Variants in HK2 observed in about 807,000 individuals in gnomAD.
HK2 encodes the protein hexokinase 2, also known as hexokinase-2.
HK2 carries 42 observed loss-of-function variants against 92.9 expected under a neutral mutation model. The ratio of observed to expected loss-of-function variants is 0.45; its 90% confidence interval spans 0.35 to 0.58. The LOEUF (loss-of-function observed/expected upper bound fraction) is 0.58, where lower values mean the gene tolerates loss of function less well. Among genes scored for constraint, HK2 ranks in the 20% least tolerant of loss-of-function variants. The pLI, the probability that HK2 is intolerant of heterozygous loss-of-function variation, is 0.00. For synonymous variants in HK2, 422 were observed against 468.0 expected (o/e 0.90, Z 1.27); for missense variants, 978 against 1,245.1 (o/e 0.79, Z 3.23).
chr2:74,851,459 T>C (rs1182215735), intron 1 of HK2, among the ~76,000 whole-genome samples: 1 of 152,234 alleles, frequency 6.6e-6, no homozygotes, highest in African/African-American at 2.4e-5. Context: ...GGATGAGAAG[T>C]GTCTGACTGG....
At chr2:74,854,234 C>G in intron 1 of HK2, 59 bp from the exon 2 acceptor site, 1 of 1,522,378 alleles carries the variant, frequency 6.6e-7, no homozygotes, top group Non-Finnish European at 9.1e-7. Flanking sequence ...CCATGACGTA[C>G]ACCTATGCCA....
At chr2:74,856,177 G>A (rs1688691979) in intron 2 of HK2, among the ~76,000 whole-genome samples, 1 of 152,034 alleles carries the variant, frequency 6.6e-6, no homozygotes, top group African/African-American at 2.4e-5. Flanking sequence ...CAGGGCGTGG[G>A]TCAGGGCTTG....
chr2:74,873,444 T>C, intron 5 of HK2, 73 bp downstream of exon 5: 1 of 968,630 alleles, frequency 1.0e-6, no homozygotes, highest in Admixed American at 1.9e-5. Flanking sequence ...TGAGTGTCCT[T>C]GACTCATCAT....
In HK2 at chr2:74,866,671, G is replaced by A. The variant is rs1458214877; in HGVS notation, c.227-965G>A. Among the ~76,000 whole-genome samples the A allele has an allele frequency of 2.6e-5, 4 of 152,152 alleles. No homozygotes were observed. The East Asian group carries it at 7.7e-4, about 29-fold the overall frequency. ...ACAGTCTTCACCCATCTGTGTCTGT[G>A]GCTCCTTTCTGGAGTCTCACTCATC... On this transcript the variant is annotated intron_variant, in intron 2 of 17. Transcript: ENST00000290573.
chr2:74,886,021 A>G (rs531018145), intron 13 of HK2, among the ~76,000 whole-genome samples: 18 of 151,996 alleles, frequency 1.2e-4, no homozygotes, highest in Middle Eastern at 3.4e-3. Flanking sequence ...TTTAGACCAT[A>G]TAGAGTTTAA....
intron 2 of HK2, among the ~76,000 whole-genome samples, chr2:74,857,863 A>AT (rs1215961345): frequency 6.6e-6 from 1 of 152,118 alleles, no homozygotes. Flanking sequence ...TGTGTTAGCG[A>AT]TTCCCCCCAT....
At position 74,880,985 on chromosome 2, in the gene HK2, C is replaced by T. The variant is rs575748592; in HGVS notation, c.1570+416C>T. Among the ~76,000 whole-genome samples the T allele has an allele frequency of 1.2e-3, 181 of 152,340 alleles. 1 individual carries two copies. The highest frequency in any genetic ancestry group is 4.3e-3 in the African/African-American group (178 of 41,566). On this transcript the variant is annotated intron_variant, in intron 10 of 17. Coordinates refer to ENST00000290573, the MANE Select transcript of HK2 (RefSeq NM_000189.5). ...ATTCAGGTTCTAGAATCTGCTCTTG[C>T]AATCACCACATTGGTCTGAGTCAGG...
chr2:74,840,843 C>A (rs1688295020), intron 1 of HK2, among the ~76,000 whole-genome samples: 2 of 133,330 alleles, frequency 1.5e-5, no homozygotes, highest in South Asian at 5.0e-4. Context: ...CGCACCAATG[C>A]ACTCCAGCCT....
intron 1 of HK2, among the ~76,000 whole-genome samples, chr2:74,842,050 C>T (rs1401295917): frequency 6.6e-6 from 1 of 152,234 alleles, no homozygotes; most frequent in East Asian, 1.9e-4. Flanking sequence ...GTCAGTTACT[C>T]TACCTGTCTA....
intron 1 of HK2, among the ~76,000 whole-genome samples, chr2:74,838,772 T>C (rs1372556592): frequency 6.6e-6 from 1 of 152,130 alleles, no homozygotes; most frequent in Non-Finnish European, 1.5e-5. Context: ...TCTCCTGACC[T>C]CGTGATCTGC....
intron 1 of HK2, among the ~76,000 whole-genome samples, chr2:74,852,697 AAAAC>A (rs2103878260): frequency 6.6e-6 from 1 of 152,258 alleles, no homozygotes; most frequent in East Asian, 1.9e-4. Context: ...TTAAAAAAAA[AAAAC>A]AACAAAAAAC....
chr2:74,880,510 A>T lies in HK2; in HGVS notation c.1511A>T (p.His504Leu). Residue 504 changes from histidine to leucine, a missense_variant, in exon 10 of 18, where the codon CAT (histidine) becomes CTT (leucine). Transcript: ENST00000290573. ...EMERGLSKET[H>L]ASAPVKMLPT... ...GAGCGAGGTCTGAGCAAGGAGACTCATGCCAGTGCCCCCGTCAAGATGCTG... is the reference window on the plus strand; with the variant it reads ...GAGCGAGGTCTGAGCAAGGAGACTCTTGCCAGTGCCCCCGTCAAGATGCTG... 6.2e-7 allele frequency: 1 copy of T among 1,613,540 alleles called. No individual in the cohort carries two copies. The highest frequency in any genetic ancestry group is 8.5e-7 in the Non-Finnish European group (1 of 1,179,602).
intron 14 of HK2, 24 bp from the exon 15 acceptor site, chr2:74,886,466 G>T: frequency 6.2e-7 from 1 of 1,614,034 alleles, no homozygotes; most frequent in Non-Finnish European, 8.5e-7. Flanking sequence ...GCTGAGTGAG[G>T]CCCTGGTATC....
chr2:74,856,406 C>T (rs935966843), intron 2 of HK2, among the ~76,000 whole-genome samples: 3 of 152,100 alleles, frequency 2.0e-5, no homozygotes, highest in Admixed American at 6.5e-5. Context: ...AAGAGCCCCT[C>T]GAGGTGAGGG....
At chr2:74,857,464 A>G (rs80055847) in intron 2 of HK2, among the ~76,000 whole-genome samples, 30 of 152,336 alleles carry the variant, frequency 2.0e-4, no homozygotes, top group African/African-American at 7.0e-4. Flanking sequence ...TCCTGTATGA[A>G]TCCAAGGAGA....
intron 2 of HK2, among the ~76,000 whole-genome samples, chr2:74,860,080 C>T (rs947948215): frequency 3.3e-5 from 5 of 151,794 alleles, no homozygotes; most frequent in Admixed American, 2.0e-4. Context: ...AGACAAATAC[C>T]GCACGTTTTC....
chr2:74,889,389 T>A lies in HK2; in HGVS notation c.2520T>A (p.Ala840=), dbSNP rs775802731. ...AAQLCGAGMA[A]VVDRIRENRG... is the part of the protein sequence containing the mutation. ...AGCTCTGTGGCGCAGGCATGGCCGCTGTGGTGGACAGGATACGAGAAAACC... is the reference window on the plus strand; with the variant it reads ...AGCTCTGTGGCGCAGGCATGGCCGCAGTGGTGGACAGGATACGAGAAAACC... Residue 840 remains alanine (A), a synonymous_variant, in exon 17 of 18, where the codon GCT becomes GCA. Coordinates refer to ENST00000290573, the MANE Select transcript of HK2 (RefSeq NM_000189.5). 1.1e-5 allele frequency: 17 copies of A among 1,614,080 alleles called. No homozygotes were observed. In the South Asian group the frequency reaches 1.9e-4, roughly 18 times the overall value.
At chr2:74,889,993 T>G (rs1689636464) in intron 17 of HK2, among the ~76,000 whole-genome samples, 1 of 152,262 alleles carries the variant, frequency 6.6e-6, no homozygotes, top group Non-Finnish European at 1.5e-5. Context: ...AGGTTACTTC[T>G]AGATTTTGAC....
intron 3 of HK2, among the ~76,000 whole-genome samples, chr2:74,869,739 C>T (rs998721281): frequency 2.6e-5 from 4 of 152,194 alleles, no homozygotes; most frequent in African/African-American, 9.7e-5. Context: ...AGCTCTTTCT[C>T]TGCATCTTAC....
Sources: gnomAD v4.1 joint callset for allele counts (sites outside exome capture counted in the v4.1 genomes callset) on GRCh38, gnomAD v4.1.1 for gene constraint, MANE v1.5 for transcripts, NCBI Gene and HGNC (gene_info 2026-07-23, HGNC 2026-07-21) for gene names.